PCDHA7: variants seen among roughly 807,000 people sequenced by gnomAD.
PCDHA7 encodes the protein protocadherin alpha 7, also known as protocadherin alpha-7.
A neutral mutation model predicts 57.2 loss-of-function variants in PCDHA7; 37 were observed. The observed-to-expected ratio is 0.65, with a 90% CI of 0.50 to 0.85. PCDHA7 has a LOEUF of 0.85. PCDHA7 is among the 40% of genes least tolerant of loss of function. The pLI is 0.00. For missense variants in PCDHA7, 1,188 were observed against 1,241.8 expected, an observed-to-expected ratio of 0.96 and a Z score of 0.65; for synonymous variants, 553 against 558.8, an observed-to-expected ratio of 0.99 and a Z score of 0.15.
intron 1 of PCDHA7, among the ~76,000 whole-genome samples, chr5:140,838,401 G>A (rs1214374292): frequency 2.6e-5 from 4 of 151,340 alleles, no homozygotes; most frequent in African/African-American, 9.8e-5. Flanking sequence ...TGGGATTACA[G>A]GAGTGAGCCA....
In PCDHA7 at chr5:140,834,484, C is replaced by T. The variant is rs2150219400; in HGVS notation, c.101C>T (p.Ser34Leu). 6.2e-6 allele frequency: 10 copies of T among 1,614,154 alleles called. No homozygotes were observed. The Admixed American group carries it at 8.3e-5, about 13-fold the overall frequency. Residue 34 changes from serine to leucine, a missense_variant, in exon 1 of 4, where the codon TCG (serine) becomes TTG (leucine). Transcript: ENST00000525929. ...WEAGRGQLHYSVPEEAKHGNF... is the reference protein window; with the variant it reads ...WEAGRGQLHYLVPEEAKHGNF... Reference sequence around the variant, plus strand: ...GCAGGGAGAGGCCAGCTCCACTACTCGGTCCCCGAGGAGGCTAAACATGGC... The same window carrying T: ...GCAGGGAGAGGCCAGCTCCACTACTTGGTCCCCGAGGAGGCTAAACATGGC...
intron 1 of PCDHA7, chr5:140,968,346 C>T: frequency 6.2e-7 from 1 of 1,614,090 alleles, no homozygotes. Flanking sequence ...ATTAACAGTG[C>T]CAGTGGCAGC....
At chr5:140,929,492 G>A in intron 1 of PCDHA7, 1 of 1,062,164 alleles carries the variant, frequency 9.4e-7, no homozygotes, top group Non-Finnish European at 1.3e-6. Context: ...AGTATTAGAA[G>A]ATTGCCCTAG....
intron 1 of PCDHA7, chr5:140,858,627 T>A: frequency 1.8e-6 from 2 of 1,097,414 alleles, no homozygotes; most frequent in South Asian, 1.7e-5. Flanking sequence ...ACCCAGTGTG[T>A]CAGCCTTTGA....
At chr5:140,915,626 GTCTCTCTCTC>G (rs57920489) in intron 1 of PCDHA7, among the ~76,000 whole-genome samples, 5 of 146,436 alleles carry the variant, frequency 3.4e-5, no homozygotes, top group Admixed American at 2.0e-4. Context: ...GTCTCTTTCT[GTCTCTCTCTC>G]TCTCTCTCTC....
chr5:140,902,666 C>A (rs1554190555), intron 1 of PCDHA7, among the ~76,000 whole-genome samples: 1 of 152,122 alleles, frequency 6.6e-6, no homozygotes, highest in Non-Finnish European at 1.5e-5. Context: ...GTCACCCAAG[C>A]AGTGTACACC....
At chr5:140,966,489 C>T in intron 1 of PCDHA7, 1 of 440,146 alleles carries the variant, frequency 2.3e-6, no homozygotes, top group Non-Finnish European at 3.9e-6. Flanking sequence ...TTCCCTCCCC[C>T]TGGAGCTGTA....
intron 1 of PCDHA7, chr5:140,881,999 A>C: frequency 2.1e-6 from 1 of 471,262 alleles, no homozygotes. Context: ...AGGAAATGCA[A>C]GGGGCAAAAA....
In PCDHA7 at chr5:140,946,631, T is replaced by TATAC. The variant is rs57893927; in HGVS notation, c.2356-32317_2356-32316insTACA. ...TGTGAAATATATATATATATATATA[T>TATAC]ACAATGGAATACTCATCAGCCATTA... On this transcript the variant is annotated intron_variant, in intron 1 of 3. Transcript: ENST00000525929. 2.4e-4 allele frequency among the ~76,000 whole-genome samples: 32 copies of TATAC among 131,838 alleles called. 1 individual carries two copies. The highest frequency in any genetic ancestry group is 4.2e-4 in the African/African-American group (12 of 28,706). 86.5% of individuals were successfully genotyped at this position (131,838 alleles called of 152,430 possible).
At chr5:140,850,678 C>T in intron 1 of PCDHA7, 1 of 1,598,606 alleles carries the variant, frequency 6.3e-7, no homozygotes, top group Non-Finnish European at 8.6e-7. Flanking sequence ...GCGATGCCCA[C>T]CGAGGGCGAG....
At chr5:141,002,907 A>T (rs1201381868) in intron 3 of PCDHA7, among the ~76,000 whole-genome samples, 1 of 152,210 alleles carries the variant, frequency 6.6e-6, no homozygotes, top group Non-Finnish European at 1.5e-5. Flanking sequence ...TGAAGAGAAG[A>T]TCAGAAAAGT....
intron 1 of PCDHA7, chr5:140,848,442 T>C: frequency 1.3e-6 from 2 of 1,489,558 alleles, no homozygotes; most frequent in Non-Finnish European, 1.8e-6. Context: ...ATCAGATGAT[T>C]TCTTCTAATT....
At chr5:140,893,066 A>G (rs1221245824) in intron 1 of PCDHA7, among the ~76,000 whole-genome samples, 1 of 152,248 alleles carries the variant, frequency 6.6e-6, no homozygotes, top group Admixed American at 6.5e-5. Flanking sequence ...ACTGCCATGA[A>G]TAACAGGATT....
At chr5:140,876,143 G>A in intron 1 of PCDHA7, 1 of 1,613,870 alleles carries the variant, frequency 6.2e-7, no homozygotes, top group South Asian at 1.1e-5. Flanking sequence ...GAACTAACAG[G>A]GTCTGTCCAG....
intron 1 of PCDHA7, among the ~76,000 whole-genome samples, chr5:140,938,949 G>A (rs943956831): frequency 6.6e-6 from 1 of 152,028 alleles, no homozygotes; most frequent in Non-Finnish European, 1.5e-5. Flanking sequence ...TTCTTATAAT[G>A]CTCTAGTCGG....
intron 1 of PCDHA7, among the ~76,000 whole-genome samples, chr5:140,896,969 CACAA>C (rs1554187153): frequency 2.0e-5 from 3 of 152,106 alleles, no homozygotes; most frequent in African/African-American, 7.2e-5. Context: ...TTATTCTTTG[CACAA>C]ACAAACCAGT....
chr5:140,943,620 A>G (rs1285848217), intron 1 of PCDHA7, among the ~76,000 whole-genome samples: 1 of 152,200 alleles, frequency 6.6e-6, no homozygotes, highest in Non-Finnish European at 1.5e-5. Context: ...ATTCATCTGC[A>G]TAAGGAAGCT....
rs1209791227 is a variant in PCDHA7, at chr5:140,923,921, C to A, written c.2356-55028C>A. Among the ~76,000 whole-genome samples, 3 of 152,180 alleles carry A rather than the reference C, an allele frequency of 2.0e-5. No individual in the cohort carries two copies. The East Asian group carries it at 5.8e-4, about 29-fold the overall frequency. On this transcript the variant is annotated intron_variant, in intron 1 of 3. Transcript: ENST00000525929. ...TTCTGTGAAGATTTCCCATACTGTT[C>A]TCTGTATGCATTTTTCCTTTTTTCC...
intron 1 of PCDHA7, among the ~76,000 whole-genome samples, chr5:140,920,262 T>A (rs1199241403): frequency 2.0e-5 from 3 of 152,216 alleles, no homozygotes; most frequent in African/African-American, 7.2e-5. Flanking sequence ...ATAATAATTA[T>A]TACTTTATGT....
Sources: gnomAD v4.1 joint callset for allele counts (sites outside exome capture counted in the v4.1 genomes callset) on GRCh38, gnomAD v4.1.1 for gene constraint, MANE v1.5 for transcripts, NCBI Gene and HGNC (gene_info 2026-07-23, HGNC 2026-07-21) for gene names.